Variants in CARMIL1 observed in about 807,000 individuals in gnomAD.
The protein encoded by CARMIL1 is capping protein regulator and myosin 1 linker 1.
In CARMIL1, 90 loss-of-function variants were observed where a neutral mutation model predicts 177.1. The observed-to-expected ratio is 0.51, with a 90% CI of 0.43 to 0.61. The LOEUF is 0.61. Ranked by LOEUF, CARMIL1 falls within the 20% of genes least tolerant of loss-of-function variation. The pLI is 0.00. For synonymous variants in CARMIL1, 577 were observed against 606.2 expected (o/e 0.95, Z 0.71); for missense variants, 1,380 against 1,667.0 (o/e 0.83, Z 3.00).
Position 25,435,529 on chromosome 6 carries a change from C to T in CARMIL1, c.296C>T (p.Ser99Leu), listed in dbSNP as rs1455223917. The change falls in exon 5 of 37, where the codon TCA (serine) becomes TTA (leucine). Residue 99 changes from serine (S) to leucine (L), a missense_variant. Ser to Leu is a moderately radical substitution (Grantham distance 145, BLOSUM62 -2). Transcript: ENST00000329474. ...EKCSISMKMA[S>L]PEDVSEVLAH... Reference sequence around the variant, plus strand: ...TGCAGCATTTCCATGAAGATGGCGTCACCCGAGGACGTGAGTGAGGTGCTG... The same window carrying T: ...TGCAGCATTTCCATGAAGATGGCGTTACCCGAGGACGTGAGTGAGGTGCTG... 1.9e-6 allele frequency: 3 copies of T among 1,553,672 alleles called. No homozygotes were observed. Among genetic ancestry groups the T allele is most frequent in the Non-Finnish European group, 2.6e-6 (3 of 1,147,978 alleles).
Position 25,520,284 on chromosome 6 carries a change from G to T in CARMIL1, c.1915G>T (p.Ala639Ser). Reference protein sequence around the residue: ...LRFMPIPMYDASQALKTNPEK... With the variant: ...LRFMPIPMYDSSQALKTNPEK... ...ATTTATGCCAATTCCTATGTATGAT[G>T]CTTCTCAAGCCCTAAAAACAAACCC... Residue 639 changes from alanine to serine, a missense_variant, in exon 23 of 37, where the codon GCT becomes TCT. Transcript: ENST00000329474. 2 of 1,565,346 alleles carry T rather than the reference G, an allele frequency of 1.3e-6. No homozygotes were observed. Among genetic ancestry groups the T allele is most frequent in the Non-Finnish European group, 1.7e-6 (2 of 1,153,506 alleles).
intron 2 of CARMIL1, among the ~76,000 whole-genome samples, chr6:25,315,041 A>G (rs891516468): frequency 1.3e-5 from 2 of 152,292 alleles, no homozygotes; most frequent in African/African-American, 2.4e-5. Context: ...TCAGTACTAT[A>G]TGTATTATCT....
chr6:25,285,043 CTT>C (rs1317377306), intron 2 of CARMIL1, 134 bp downstream of exon 2: 4 of 594,554 alleles, frequency 6.7e-6, no homozygotes, highest in Non-Finnish European at 1.2e-5. Context: ...ACCATTTTGT[CTT>C]AGGTTAATTG....
At position 25,528,843 on chromosome 6, in the gene CARMIL1, G is replaced by T; in HGVS notation, c.2017G>T (p.Glu673Ter). ...TCACGAGACTAGAAAATACCTTCAA[G>T]AGCAGGCCTACCGCCTGCAGCAGGG... The part of the protein sequence containing the change: ...RNHETRKYLQ[E>*]QAYRLQQGIV... Residue 673 changes from glutamate to a stop codon, truncating the protein, a stop_gained, in exon 24 of 37, where the codon GAG (glutamate) becomes TAG (stop). Transcript: ENST00000329474. LOFTEE classifies it high-confidence loss of function. The T allele has an allele frequency of 6.2e-7, 1 of 1,610,514 alleles. No homozygotes were observed. The highest frequency in any genetic ancestry group is 8.5e-7 in the Non-Finnish European group (1 of 1,178,414).
At position 25,606,076 on chromosome 6, in the gene CARMIL1, C is replaced by A; in HGVS notation, c.3650C>A (p.Pro1217Gln). 1 of 1,613,540 alleles carries A rather than the reference C, an allele frequency of 6.2e-7. No individual in the cohort carries two copies. Among genetic ancestry groups the A allele is most frequent in the Non-Finnish European group, 8.5e-7 (1 of 1,179,682 alleles). Residue 1217 changes from proline (P) to glutamine (Q), a missense_variant, in exon 35 of 37, where the codon CCA (proline) becomes CAA (glutamine). By Grantham distance (76) the Pro-to-Gln change is moderately conservative (BLOSUM62 -1). Coordinates refer to ENST00000329474, the MANE Select transcript of CARMIL1 (RefSeq NM_017640.6). ...DGGGAVPKLH[P>Q]GLPENRFGLG... ...TTCATCTTAGTGCCTAAACTGCACC[C>A]AGGTCTTCCAGAGAACCGCTTTGGT...
chr6:25,586,210 C>G (rs540854233), intron 31 of CARMIL1, among the ~76,000 whole-genome samples: 4 of 148,756 alleles, frequency 2.7e-5, no homozygotes, highest in African/African-American at 7.6e-5. Context: ...GGGTGGCTGC[C>G]GGGCGGAGGG....
rs1215922236 is a variant in CARMIL1 at position 25,500,765 on chromosome 6, AT to A, written c.1395+539del. Among the ~76,000 whole-genome samples the A allele has an allele frequency of 2.2e-3, 338 of 151,406 alleles. 5 individuals are homozygous for A. Among genetic ancestry groups the A allele is most frequent in the Admixed American group, 5.3e-3 (80 of 15,214 alleles). On this transcript the variant is annotated intron_variant, in intron 17 of 36. Coordinates refer to ENST00000329474, the MANE Select transcript of CARMIL1 (RefSeq NM_017640.6). Reference sequence around the variant, plus strand: ...GACTAAAGTGTCTATATATTTATATATTTTTTTTTCTTCTTTTTTTGAGATG... The same window carrying A: ...GACTAAAGTGTCTATATATTTATATATTTTTTTTCTTCTTTTTTTGAGATG...
intron 3 of CARMIL1, among the ~76,000 whole-genome samples, chr6:25,425,491 T>G (rs1796209462): frequency 6.6e-6 from 1 of 152,224 alleles, no homozygotes; most frequent in African/African-American, 2.4e-5. Flanking sequence ...CTTGTGGGTT[T>G]GGTTCTGGAT....
intron 1 of CARMIL1, among the ~76,000 whole-genome samples, chr6:25,281,136 G>GCGCGCGCAAACA (rs10642536): frequency 7.6e-6 from 1 of 132,102 alleles, no homozygotes; most frequent in African/African-American, 3.0e-5. Context: ...GTGCGCGCGC[G>GCGCGCGCAAACA]CACACACACA....
chr6:25,332,821 G>A (rs553757551), intron 2 of CARMIL1, among the ~76,000 whole-genome samples: 6 of 144,010 alleles, frequency 4.2e-5, no homozygotes, highest in Non-Finnish European at 7.6e-5. Flanking sequence ...CATGTCCACA[G>A]CAACCATGTG....
chr6:25,352,216 T>G (rs1316942924), intron 2 of CARMIL1, among the ~76,000 whole-genome samples: 4 of 151,620 alleles, frequency 2.6e-5, no homozygotes, highest in African/African-American at 9.7e-5. Flanking sequence ...TAACAGGAAC[T>G]GGACAATGGA....
At chr6:25,358,180 T>C (rs781621505) in intron 2 of CARMIL1, among the ~76,000 whole-genome samples, 1 of 152,244 alleles carries the variant, frequency 6.6e-6, no homozygotes, top group Non-Finnish European at 1.5e-5. Context: ...TCTTGTGTGT[T>C]GGCTGTGGTC....
At chr6:25,601,158 A>C (rs1815360352) in intron 33 of CARMIL1, among the ~76,000 whole-genome samples, 1 of 152,188 alleles carries the variant, frequency 6.6e-6, no homozygotes, top group Non-Finnish European at 1.5e-5. Flanking sequence ...TTGGGTGAGA[A>C]AATAAAAATA....
intron 2 of CARMIL1, among the ~76,000 whole-genome samples, chr6:25,349,355 G>A (rs927662649): frequency 6.6e-6 from 1 of 152,202 alleles, no homozygotes; most frequent in Non-Finnish European, 1.5e-5. Flanking sequence ...TCCCAGTCAG[G>A]AATTGATTTC....
rs114437099 is a variant in CARMIL1, at chr6:25,523,947, C to T, written c.1968+3610C>T. Among the ~76,000 whole-genome samples the T allele has an allele frequency of 6.7e-3, 1,024 of 152,308 alleles. 8 individuals are homozygous for T. Among genetic ancestry groups the T allele is most frequent in the Middle Eastern group, 0.031 (9 of 294 alleles). On this transcript the variant is annotated intron_variant, in intron 23 of 36. Coordinates refer to ENST00000329474, the MANE Select transcript of CARMIL1 (RefSeq NM_017640.6). ...TAGGGGTCCAGTTTTAGGGAACCCC[C>T]ACCCTTTCATGGGTTTTATTTCCAT...
intron 2 of CARMIL1, among the ~76,000 whole-genome samples, chr6:25,401,968 G>A (rs1055777799): frequency 2.0e-5 from 3 of 150,658 alleles, no homozygotes; most frequent in Non-Finnish European, 4.4e-5. Context: ...TACTGAATTT[G>A]ACAACCAAGG....
chr6:25,333,112 T>A (rs779209839), intron 2 of CARMIL1, among the ~76,000 whole-genome samples: 2 of 152,148 alleles, frequency 1.3e-5, no homozygotes, highest in Non-Finnish European at 2.9e-5. Context: ...AAAGCAGAGA[T>A]TCTACAGAAA....
chr6:25,364,464 A>G (rs937760144), intron 2 of CARMIL1, among the ~76,000 whole-genome samples: 1 of 152,222 alleles, frequency 6.6e-6, no homozygotes. Context: ...AAATGGAACT[A>G]TACAACATGT....
chr6:25,341,127 T>A (rs937378931), intron 2 of CARMIL1, among the ~76,000 whole-genome samples: 1 of 150,676 alleles, frequency 6.6e-6, no homozygotes. Flanking sequence ...ATGAAGTAGA[T>A]GGTATTATTA....
Sources: allele counts gnomAD v4.1 joint callset (sites outside exome capture counted in the v4.1 genomes callset), GRCh38; gene constraint gnomAD v4.1.1; transcripts MANE v1.5; gene names NCBI Gene and HGNC (gene_info 2026-07-23, HGNC 2026-07-21).